The following DDC variants were observed in gnomAD, a reference collection of about 807,000 sequenced individuals.
DDC encodes dopa decarboxylase.
A neutral mutation model predicts 60.0 loss-of-function variants in DDC; 43 were observed. The observed-to-expected ratio is 0.72, with a 90% CI of 0.56 to 0.92. DDC has a LOEUF of 0.92. DDC is among the 40% of genes least tolerant of loss of function. DDC has a pLI of 0.00. For synonymous variants in DDC, 232 were observed against 234.6 expected (o/e 0.99, Z 0.10); for missense variants, 573 against 620.2 (o/e 0.92, Z 0.81).
intron 9 of DDC, among the ~76,000 whole-genome samples, chr7:50,493,273 T>C (rs556124422): frequency 1.0e-3 from 158 of 152,306 alleles, no homozygotes; most frequent in Middle Eastern, 3.4e-3. Context: ...TATCCAGGCA[T>C]TGAGGACGGC....
intron 1 of DDC, among the ~76,000 whole-genome samples, chr7:50,555,323 G>A (rs2045147110): frequency 6.6e-6 from 1 of 152,166 alleles, no homozygotes; most frequent in Admixed American, 6.5e-5. Context: ...ACGAGACCCA[G>A]GACAGGCTGA....
chr7:50,540,908 A>G (rs956956696), intron 2 of DDC, among the ~76,000 whole-genome samples: 2 of 152,228 alleles, frequency 1.3e-5, no homozygotes, highest in Admixed American at 1.3e-4. Flanking sequence ...ACAAGGGGCC[A>G]GCCTCAAACA....
chr7:50,503,917 A>G lies in DDC; in HGVS notation c.781+76T>C, dbSNP rs531746058. 33 of 1,022,680 alleles carry G rather than the reference A, an allele frequency of 3.2e-5. No homozygotes were observed. In the African/African-American group the frequency reaches 3.8e-4, roughly 12 times the overall value. 63.4% of individuals were successfully genotyped at this position (1,022,680 alleles called of 1,614,324 possible). ...ATATGAAGTTAACGACAAGAAAGAG[A>G]TCAACGAGGAAGGTTTGCTAAATTC... On this transcript the variant is annotated intron_variant, in intron 7 of 14. Transcript: ENST00000444124.
At chr7:50,563,143 G>T (rs2045375979) in intron 1 of DDC, among the ~76,000 whole-genome samples, 1 of 147,688 alleles carries the variant, frequency 6.8e-6, no homozygotes, top group African/African-American at 2.5e-5. Context: ...CTCCAGCCTG[G>T]GTGGCAGGGT....
rs143963528 is a variant in DDC, at chr7:50,517,155, A to G, written c.714+10982T>C. Among the ~76,000 whole-genome samples the G allele has an allele frequency of 5.9e-5, 9 of 152,300 alleles. No individual in the cohort carries two copies. The East Asian group carries it at 1.7e-3, about 29-fold the overall frequency. On this transcript the variant is annotated intron_variant, in intron 6 of 14. Coordinates refer to ENST00000444124, the MANE Select transcript of DDC (RefSeq NM_001082971.2). ...CAGACAGATATCCTTGATGAACATA[A>G]ATGCTAAAATCCTTAACAAAATAAT...
intron 4 of DDC, among the ~76,000 whole-genome samples, chr7:50,532,484 AACT>A (rs1278588686): frequency 1.3e-5 from 2 of 152,226 alleles, no homozygotes; most frequent in Non-Finnish European, 2.9e-5. Context: ...TAACAGTCAT[AACT>A]CTGGTTGTCT....
intron 6 of DDC, among the ~76,000 whole-genome samples, chr7:50,505,998 G>T (rs1028164698): frequency 6.6e-6 from 1 of 152,214 alleles, no homozygotes; most frequent in Non-Finnish European, 1.5e-5. Flanking sequence ...ACGAGGATCA[G>T]TTGGGCAGCA....
intron 12 of DDC, 50 bp downstream of exon 12, chr7:50,470,023 C>T (rs749591080): frequency 8.4e-7 from 1 of 1,191,694 alleles, no homozygotes; most frequent in South Asian, 1.2e-5. Flanking sequence ...TTCTAAAGTC[C>T]CGAAAGACCT....
intron 6 of DDC, among the ~76,000 whole-genome samples, chr7:50,505,756 C>T (rs1312505238): frequency 2.6e-5 from 4 of 152,242 alleles, no homozygotes; most frequent in Non-Finnish European, 5.9e-5. Flanking sequence ...AACCCCGGGG[C>T]GTGGGCCCAA....
chr7:50,466,613 T>C (rs2042404490), intron 13 of DDC, among the ~76,000 whole-genome samples: 1 of 152,200 alleles, frequency 6.6e-6, no homozygotes, highest in Non-Finnish European at 1.5e-5. Flanking sequence ...TAGAGCCTTT[T>C]TGAGAACTGT....
intron 6 of DDC, among the ~76,000 whole-genome samples, chr7:50,506,472 T>C (rs1180961217): frequency 6.6e-6 from 1 of 152,082 alleles, no homozygotes; most frequent in African/African-American, 2.4e-5. Flanking sequence ...CTGCACGTTG[T>C]GCACATGTAC....
At position 50,528,131 on chromosome 7, in the gene DDC, A is replaced by G. The variant is rs1259855676; in HGVS notation, c.714+6T>C. The stretch of plus-strand genomic sequence containing the variant: ...GGCCAGGAGCCACAAGTGCTGCCGA[A>G]CTTACAAAGAAAGGAATCAGGCCAG... On this transcript the variant is annotated splice_donor_region_variant and intron_variant, in intron 6 of 14. Coordinates refer to ENST00000444124, the MANE Select transcript of DDC (RefSeq NM_001082971.2). 1 of 1,612,372 alleles carries G rather than the reference A, an allele frequency of 6.2e-7. No homozygotes were observed. The highest frequency in any genetic ancestry group is 8.5e-7 in the Non-Finnish European group (1 of 1,179,892).
intron 1 of DDC, among the ~76,000 whole-genome samples, chr7:50,546,654 A>G (rs2044816911): frequency 6.6e-6 from 1 of 152,112 alleles, no homozygotes; most frequent in Non-Finnish European, 1.5e-5. Context: ...TCTCTCTAAT[A>G]TTTTTACTTC....
intron 4 of DDC, among the ~76,000 whole-genome samples, chr7:50,533,740 C>T (rs545151975): frequency 1.4e-3 from 206 of 152,300 alleles, no homozygotes; most frequent in Non-Finnish European, 2.5e-3. Flanking sequence ...AAAAGAGTGA[C>T]GTGGCCCACA....
intron 9 of DDC, among the ~76,000 whole-genome samples, chr7:50,491,465 C>T (rs966375526): frequency 1.3e-5 from 2 of 152,070 alleles, no homozygotes; most frequent in Non-Finnish European, 2.9e-5. Context: ...AGACAAAACC[C>T]CAAGACTAGA....
rs116640274 is a variant in DDC, at chr7:50,559,973, G to C, written c.-29+5312C>G. ...GGCTGTGTGTAGACGCCCACCTAGCGTGTGCCCAGAAGACAGGAAGAAAAG... is the reference window on the plus strand; with the variant it reads ...GGCTGTGTGTAGACGCCCACCTAGCCTGTGCCCAGAAGACAGGAAGAAAAG... On this transcript the variant is annotated intron_variant, in intron 1 of 14. Coordinates refer to ENST00000444124, the MANE Select transcript of DDC (RefSeq NM_001082971.2). Among the ~76,000 whole-genome samples the C allele has an allele frequency of 5.2e-3, 792 of 152,266 alleles. 2 individuals carry two copies. Among genetic ancestry groups the C allele is most frequent in the African/African-American group, 0.018 (749 of 41,550 alleles).
intron 6 of DDC, among the ~76,000 whole-genome samples, chr7:50,507,168 G>C (rs1249105611): frequency 6.6e-6 from 1 of 152,106 alleles, no homozygotes; most frequent in Non-Finnish European, 1.5e-5. Flanking sequence ...TCTTAGAAAT[G>C]ACATATCTCT....
intron 9 of DDC, among the ~76,000 whole-genome samples, chr7:50,490,095 C>T (rs1402174880): frequency 6.6e-6 from 1 of 152,210 alleles, no homozygotes; most frequent in Non-Finnish European, 1.5e-5. Flanking sequence ...TGATCCTGTT[C>T]TGTCATTGGT....
At chr7:50,559,874 T>A (rs755725617) in intron 1 of DDC, among the ~76,000 whole-genome samples, 3 of 152,138 alleles carry the variant, frequency 2.0e-5, no homozygotes, top group Non-Finnish European at 4.4e-5. Context: ...AGTAATTAGA[T>A]CCCCCAGGCT....
Sources: allele counts gnomAD v4.1 joint callset (sites outside exome capture counted in the v4.1 genomes callset), GRCh38; gene constraint gnomAD v4.1.1; transcripts MANE v1.5; gene names NCBI Gene and HGNC (gene_info 2026-07-23, HGNC 2026-07-21).